Variants in ACO2 observed in about 807,000 individuals in gnomAD.
The protein encoded by ACO2 is aconitase 2, also known as aconitate hydratase, mitochondrial.
ACO2 carries 31 observed loss-of-function variants against 84.5 expected under a neutral mutation model. That is an observed-to-expected ratio of 0.37 (90% CI 0.28 to 0.50). The LOEUF (loss-of-function observed/expected upper bound fraction) is 0.50, where lower values mean the gene tolerates loss of function less well. ACO2 is among the 20% of genes least tolerant of loss of function. The pLI is 0.97. For synonymous variants in ACO2, 414 were observed against 412.7 expected (o/e 1.00, Z -0.04); for missense variants, 685 against 1,029.3 (o/e 0.67, Z 4.58).
chr22:41,492,229 T>C (rs558979109), intron 1 of ACO2, among the ~76,000 whole-genome samples: 2 of 152,256 alleles, frequency 1.3e-5, no homozygotes, highest in Non-Finnish European at 2.9e-5. Context: ...CCAAAGCTAG[T>C]CTTTTATTTA....
chr22:41,505,121 C>T (rs2066383639), intron 2 of ACO2, among the ~76,000 whole-genome samples: 1 of 151,852 alleles, frequency 6.6e-6, no homozygotes, highest in African/African-American at 2.4e-5. Flanking sequence ...TTGATGATAA[C>T]AGTAATGATA....
At chr22:41,527,532 C>T (rs1383160486) in intron 16 of ACO2, 112 bp downstream of exon 16, 1 of 1,415,760 alleles carries the variant, frequency 7.1e-7, no homozygotes, top group Non-Finnish European at 9.5e-7. Context: ...CACTGCAGCC[C>T]ACAGGCCCGT....
At chr22:41,481,610 C>T (rs1043351670) in intron 1 of ACO2, among the ~76,000 whole-genome samples, 1 of 152,202 alleles carries the variant, frequency 6.6e-6, no homozygotes, top group Non-Finnish European at 1.5e-5. Flanking sequence ...CTGACTTTGG[C>T]CGAGTGGGGT....
intron 2 of ACO2, among the ~76,000 whole-genome samples, chr22:41,505,439 T>C (rs563023111): frequency 2.5e-4 from 38 of 151,078 alleles, no homozygotes; most frequent in South Asian, 8.4e-4. Context: ...ATAATAATAA[T>C]AATAATAATA....
At chr22:41,504,580 C>G (rs1199942390) in intron 2 of ACO2, among the ~76,000 whole-genome samples, 1 of 152,142 alleles carries the variant, frequency 6.6e-6, no homozygotes, top group East Asian at 1.9e-4. Context: ...AGTCATTGCC[C>G]GTACACCAGC....
intron 1 of ACO2, among the ~76,000 whole-genome samples, chr22:41,470,528 C>CTTTTTTTTTTTTTTTTTTTTTTTTTTT (rs71184811): frequency 1.0e-5 from 1 of 95,858 alleles, no homozygotes; most frequent in Non-Finnish European, 2.1e-5. Context: ...CTCTTTACAT[C>CTTTTTTTTTTTTTTTTTTTTTTTTTTT]TTTTTTTTTT....
At chr22:41,495,694 C>T (rs931348154) in intron 1 of ACO2, among the ~76,000 whole-genome samples, 1 of 150,308 alleles carries the variant, frequency 6.7e-6, no homozygotes, top group Admixed American at 6.6e-5. Context: ...GATCTCGGCT[C>T]ACTGCAAGCT....
In ACO2 at chr22:41,520,151, T is replaced by C. The variant is rs367846193; in HGVS notation, c.1033-20T>C. The C allele has an allele frequency of 9.4e-6, 15 of 1,602,752 alleles. No homozygotes were observed. Among genetic ancestry groups the C allele is most frequent in the Non-Finnish European group, 1.3e-5 (15 of 1,170,826 alleles). The stretch of plus-strand genomic sequence containing the variant: ...TTCTTCCCTCCTCTCTTTCTTCTCC[T>C]TGCATGTTTGTTTCTTCAGCTGAAG... On this transcript the variant is annotated intron_variant, in intron 8 of 17. Transcript: ENST00000216254.
Position 41,528,498 on chromosome 22 carries a change from A to G in ACO2, c.2228A>G (p.Lys743Arg), listed in dbSNP as rs775187728. Reference sequence around the variant, plus strand: ...TTGCAGCCCCTGAAGTGCATCATCAAGCACCCCAACGGGACCCAGGAGACC... The same window carrying G: ...TTGCAGCCCCTGAAGTGCATCATCAGGCACCCCAACGGGACCCAGGAGACC... ...TPGKPLKCII[K>R]HPNGTQETIL... The change falls in exon 18 of 18, where the codon AAG becomes AGG. Residue 743 changes from lysine to arginine, a missense_variant. Lys to Arg is a conservative substitution (Grantham distance 26). Transcript: ENST00000216254. 14 of 1,612,336 alleles carry G rather than the reference A, an allele frequency of 8.7e-6. No homozygotes were observed. The highest frequency in any genetic ancestry group is 2.7e-5 in the African/African-American group (2 of 74,982).
intron 8 of ACO2, 45 bp downstream of exon 8, chr22:41,518,617 G>T: frequency 6.9e-7 from 1 of 1,454,824 alleles, no homozygotes; most frequent in Non-Finnish European, 9.6e-7. Flanking sequence ...TGAGAGTAGT[G>T]GGGAGCAGGG....
At chr22:41,528,298 G>A (rs2066646652) in intron 17 of ACO2, 181 bp from the exon 18 acceptor site, 10 of 940,344 alleles carry the variant, frequency 1.1e-5, no homozygotes, top group Non-Finnish European at 1.4e-5. Flanking sequence ...CTGGGCCCCA[G>A]GAATCCCCTG....
intron 6 of ACO2, chr22:41,517,174 C>T (rs952062393): frequency 3.5e-5 from 10 of 282,810 alleles, no homozygotes; most frequent in Non-Finnish European, 5.6e-5. Flanking sequence ...TGGGCAGTGT[C>T]TGGTCAGGTC....
chr22:41,526,867 G>A (rs567058077), intron 15 of ACO2: 1 of 310,632 alleles, frequency 3.2e-6, no homozygotes, highest in Non-Finnish European at 6.0e-6. Context: ...CCCAAGTCCT[G>A]GCCCAGCCGG....
intron 6 of ACO2, chr22:41,516,245 AT>A: frequency 1.7e-6 from 1 of 578,760 alleles, no homozygotes; most frequent in East Asian, 2.8e-5. Flanking sequence ...ATCTAGACGA[AT>A]CCAGAGAGGA....
chr22:41,526,070 C>T (rs2066588053), intron 14 of ACO2, 192 bp from the exon 15 acceptor site: 2 of 558,912 alleles, frequency 3.6e-6, no homozygotes, highest in African/African-American at 3.8e-5. Context: ...GGGATGAAGG[C>T]CTGGCCTGAG....
chr22:41,494,764 C>G (rs1397043529), intron 1 of ACO2, among the ~76,000 whole-genome samples: 1 of 147,860 alleles, frequency 6.8e-6, no homozygotes, highest in Non-Finnish European at 1.5e-5. Flanking sequence ...GACAGAGTCT[C>G]ACTCTGTCAC....
chr22:41,527,235 G>C, intron 15 of ACO2, 53 bp from the exon 16 acceptor site: 1 of 1,613,576 alleles, frequency 6.2e-7, no homozygotes, highest in Non-Finnish European at 8.5e-7. Flanking sequence ...GGCCAGACAG[G>C]TGAGGACGGT....
chr22:41,481,268 G>A (rs917402140), intron 1 of ACO2, among the ~76,000 whole-genome samples: 50 of 152,212 alleles, frequency 3.3e-4, no homozygotes, highest in African/African-American at 1.2e-3. Context: ...CTCGGCACTT[G>A]TCTTGGAGTG....
chr22:41,527,465 T>A, intron 16 of ACO2, 45 bp downstream of exon 16: 1 of 1,568,446 alleles, frequency 6.4e-7, no homozygotes, highest in Non-Finnish European at 8.6e-7. Flanking sequence ...CCATCCCTAG[T>A]GATCAAGGTC....
Sources: allele counts gnomAD v4.1 joint callset (sites outside exome capture counted in the v4.1 genomes callset), GRCh38; gene constraint gnomAD v4.1.1; transcripts MANE v1.5; gene names NCBI Gene and HGNC (gene_info 2026-07-23, HGNC 2026-07-21).